Variants in EBPL observed in about 807,000 individuals in gnomAD.
EBPL encodes emopamil-binding protein-like.
In EBPL, 20 loss-of-function variants were observed where a neutral mutation model predicts 19.0. The observed-to-expected ratio is 1.05, with a 90% CI of 0.74 to 1.53. EBPL has a LOEUF of 1.53. EBPL is among the 40% of genes most tolerant of loss of function. The pLI is 0.00. For synonymous variants in EBPL, 107 were observed against 117.0 expected, an observed-to-expected ratio of 0.91 and a Z score of 0.55; for missense variants, 219 against 261.1, an observed-to-expected ratio of 0.84 and a Z score of 1.11.
At chr13:49,665,814 T>C (rs1035028550) in intron 2 of EBPL, among the ~76,000 whole-genome samples, 1 of 151,772 alleles carries the variant, frequency 6.6e-6, no homozygotes, top group Admixed American at 6.6e-5. Context: ...CACATCCTAG[T>C]GAGGCTGAAA....
At chr13:49,682,347 T>C (rs1266651459) in intron 1 of EBPL, among the ~76,000 whole-genome samples, 1 of 152,240 alleles carries the variant, frequency 6.6e-6, no homozygotes, top group Non-Finnish European at 1.5e-5. Flanking sequence ...ACTTCTCAGA[T>C]TAAAGATGTG....
At position 49,660,780 on chromosome 13, in the gene EBPL, A is replaced by G; in HGVS notation, c.*188T>C. ...TTCAAATTTGTTCTCTTTTCCCTATATCACCATTTAATTGAACAACAATAC... is the reference window on the plus strand; with the variant it reads ...TTCAAATTTGTTCTCTTTTCCCTATGTCACCATTTAATTGAACAACAATAC... On this transcript the variant is annotated 3_prime_UTR_variant, in exon 4 of 4. Transcript: ENST00000242827. 2 of 516,798 alleles carry G rather than the reference A, an allele frequency of 3.9e-6. 1 individual carries two copies. Among genetic ancestry groups the G allele is most frequent in the South Asian group, 6.8e-5 (2 of 29,314 alleles). The allele number at this position is 516,798 out of a possible 1,614,324, so 32.0% of individuals were successfully genotyped here. A position where few individuals can be genotyped will look rare whatever the true frequency, so the allele number is the denominator to read the frequency against.
At chr13:49,666,076 G>A (rs1286247983) in intron 2 of EBPL, among the ~76,000 whole-genome samples, 3 of 152,206 alleles carry the variant, frequency 2.0e-5, no homozygotes, top group South Asian at 2.1e-4. Context: ...AGGACATCTC[G>A]CCATGCAGGG....
intron 1 of EBPL, among the ~76,000 whole-genome samples, chr13:49,676,962 A>T (rs1156720187): frequency 1.3e-5 from 2 of 152,108 alleles, no homozygotes; most frequent in African/African-American, 4.8e-5. Flanking sequence ...TGTGACTTGC[A>T]AAAGTCCTTT....
chr13:49,662,058 A>G, intron 3 of EBPL: 1 of 811,720 alleles, frequency 1.2e-6, no homozygotes, highest in Non-Finnish European at 2.0e-6. Flanking sequence ...CAGTGGCACG[A>G]ACGTGGCTCA....
At chr13:49,668,654 G>C in intron 2 of EBPL, 1 of 388,848 alleles carries the variant, frequency 2.6e-6, no homozygotes, top group South Asian at 1.9e-5. Flanking sequence ...CCTGAGAAAG[G>C]CAGTTTTATA....
chr13:49,687,084 T>A (rs1954006817), intron 1 of EBPL, among the ~76,000 whole-genome samples: 2 of 152,184 alleles, frequency 1.3e-5, no homozygotes, highest in Admixed American at 1.3e-4. Flanking sequence ...ATTACAGGTG[T>A]GAGCCACTGC....
At chr13:49,661,243 A>T (rs773277059) in intron 3 of EBPL, 35 bp from the exon 4 acceptor site, 2 of 1,546,622 alleles carry the variant, frequency 1.3e-6, no homozygotes, top group East Asian at 4.5e-5. Context: ...ATGAACCACC[A>T]GCTTGGCACA....
At chr13:49,667,240 A>G (rs1341201457) in intron 2 of EBPL, among the ~76,000 whole-genome samples, 3 of 152,180 alleles carry the variant, frequency 2.0e-5, no homozygotes, top group Non-Finnish European at 4.4e-5. Context: ...TGAAACAATA[A>G]AAAGGCAAAC....
Position 49,691,452 on chromosome 13 carries a change from A to G in EBPL, c.-28T>C. On this transcript the variant is annotated 5_prime_UTR_variant, in exon 1 of 4. Coordinates refer to ENST00000242827, the MANE Select transcript of EBPL (RefSeq NM_032565.5). ...TTCAGGCTTCCGACGCCAACGGCCC[A>G]GGACCATGCGGCAGAGGAAAGCAGG... 1.5e-6 allele frequency: 2 copies of G among 1,309,078 alleles called. No individual in the cohort carries two copies. The highest frequency in any genetic ancestry group is 2.9e-5 in the South Asian group (1 of 34,796). The allele number at this position is 1,309,078 out of a possible 1,614,324, so 81.1% of individuals were successfully genotyped here.
chr13:49,671,667 G>A (rs528426454), intron 1 of EBPL, among the ~76,000 whole-genome samples: 2 of 152,284 alleles, frequency 1.3e-5, no homozygotes, highest in South Asian at 4.1e-4. Flanking sequence ...GGGGCAATGG[G>A]GCTGGACTGG....
chr13:49,667,272 G>T (rs759063740), intron 2 of EBPL, among the ~76,000 whole-genome samples: 3 of 152,268 alleles, frequency 2.0e-5, no homozygotes, highest in East Asian at 3.9e-4. Context: ...AAAGCCTGAC[G>T]ATGTGATCAT....
intron 1 of EBPL, among the ~76,000 whole-genome samples, chr13:49,683,764 C>T (rs1953968552): frequency 6.6e-6 from 1 of 152,132 alleles, no homozygotes; most frequent in Non-Finnish European, 1.5e-5. Flanking sequence ...AGTGGGAATG[C>T]ACAACAGTAC....
intron 3 of EBPL, 129 bp downstream of exon 3, chr13:49,662,928 G>A (rs892918936): frequency 3.4e-5 from 43 of 1,248,500 alleles, no homozygotes; most frequent in Middle Eastern, 5.6e-4. Flanking sequence ...GAGCCACCGC[G>A]CCCAGCCTCT....
intron 1 of EBPL, among the ~76,000 whole-genome samples, chr13:49,676,514 C>T (rs1039464758): frequency 6.6e-6 from 1 of 152,108 alleles, no homozygotes; most frequent in Non-Finnish European, 1.5e-5. Flanking sequence ...ATGGTGTGAA[C>T]CCGGGAGGCG....
intron 1 of EBPL, among the ~76,000 whole-genome samples, chr13:49,685,704 C>T (rs1337873392): frequency 6.6e-6 from 1 of 152,056 alleles, no homozygotes; most frequent in Non-Finnish European, 1.5e-5. Flanking sequence ...GAAACCGTGT[C>T]TCTACTAAAA....
chr13:49,663,934 A>C (rs1594403475), intron 2 of EBPL, among the ~76,000 whole-genome samples: 1 of 145,928 alleles, frequency 6.9e-6, no homozygotes, highest in Admixed American at 6.9e-5. Flanking sequence ...CAAAAAAAAA[A>C]AAACAAAAAA....
At chr13:49,661,279 T>C (rs923320192) in intron 3 of EBPL, 71 bp from the exon 4 acceptor site, 1 of 1,229,128 alleles carries the variant, frequency 8.1e-7, no homozygotes. Flanking sequence ...CATGACATCT[T>C]GTCTGTAATG....
intron 1 of EBPL, among the ~76,000 whole-genome samples, chr13:49,685,809 G>A (rs1357545422): frequency 6.6e-6 from 1 of 152,008 alleles, no homozygotes; most frequent in Non-Finnish European, 1.5e-5. Flanking sequence ...GGAGGCAGAG[G>A]TTGCAGTGAG....
Sources: allele counts gnomAD v4.1 joint callset (sites outside exome capture counted in the v4.1 genomes callset), GRCh38; gene constraint gnomAD v4.1.1; transcripts MANE v1.5; gene names NCBI Gene and HGNC (gene_info 2026-07-23, HGNC 2026-07-21).